Variants in GFRA1 observed in about 807,000 individuals in gnomAD.
GFRA1 encodes the protein GDNF family receptor alpha 1, also known as GDNF family receptor alpha-1.
A neutral mutation model predicts 51.6 loss-of-function variants in GFRA1; 16 were observed. That is an observed-to-expected ratio of 0.31 (90% CI 0.21 to 0.47). The LOEUF is 0.47. Ranked by LOEUF, GFRA1 falls within the 20% of genes least tolerant of loss-of-function variation. The pLI is 1.00. For synonymous variants in GFRA1, 270 were observed against 241.3 expected, an observed-to-expected ratio of 1.12 and a Z score of -1.10; for missense variants, 530 against 594.3, an observed-to-expected ratio of 0.89 and a Z score of 1.13.
chr10:116,135,455 G>C (rs1958283867), intron 5 of GFRA1, among the ~76,000 whole-genome samples: 1 of 152,092 alleles, frequency 6.6e-6, no homozygotes, highest in Admixed American at 6.6e-5. Flanking sequence ...ACCGAATCAA[G>C]TTTGTCTTAC....
intron 5 of GFRA1, among the ~76,000 whole-genome samples, chr10:116,132,949 G>T (rs1013154885): frequency 6.6e-5 from 10 of 152,000 alleles, no homozygotes; most frequent in Non-Finnish European, 1.0e-4. Context: ...CTTCTGAACA[G>T]CTTTACTATA....
chr10:116,268,096 T>C (rs1969817884), intron 4 of GFRA1, among the ~76,000 whole-genome samples: 1 of 152,136 alleles, frequency 6.6e-6, no homozygotes, highest in Non-Finnish European at 1.5e-5. Flanking sequence ...GTAGTTCAAA[T>C]GAGATCCTGT....
At chr10:116,087,142 G>A (rs1168118520) in intron 9 of GFRA1, among the ~76,000 whole-genome samples, 1 of 152,208 alleles carries the variant, frequency 6.6e-6, no homozygotes. Context: ...TGTGTTCCCT[G>A]ATGTTGCCGG....
chr10:116,196,848 T>TA (rs71010069), intron 5 of GFRA1, among the ~76,000 whole-genome samples: 58,092 of 120,476 alleles, frequency 0.48, 14,316 homozygotes, highest in Middle Eastern at 0.58. Context: ...TATATATATA[T>TA]TTTTTTTCCC....
intron 8 of GFRA1, among the ~76,000 whole-genome samples, chr10:116,091,052 C>A (rs1956312647): frequency 6.6e-6 from 1 of 152,208 alleles, no homozygotes; most frequent in Non-Finnish European, 1.5e-5. Flanking sequence ...AAGAGGCACA[C>A]AGGGACCAGT....
rs1288668729 is a variant in GFRA1, at chr10:116,093,733, A to G, written c.984T>C (p.Phe328=). ...SGNDLEECLK[F]LNFFKDNTCL... Reference sequence around the variant, plus strand: ...ATGTATTGTCCTTGAAGAAATTCAAAAATTTCAAGCACTCTTCTAGGTCGT... The same window carrying G: ...ATGTATTGTCCTTGAAGAAATTCAAGAATTTCAAGCACTCTTCTAGGTCGT... Residue 328 remains phenylalanine, a synonymous_variant, in exon 8 of 11, where the codon TTT becomes TTC. Coordinates refer to ENST00000355422, the MANE Select transcript of GFRA1 (RefSeq NM_005264.8). 1 of 1,613,928 alleles carries G rather than the reference A, an allele frequency of 6.2e-7. No individual in the cohort carries two copies. The highest frequency in any genetic ancestry group is 1.1e-5 in the South Asian group (1 of 91,064).
At position 116,100,826 on chromosome 10, in the gene GFRA1, G is replaced by A. The variant is rs528292965; in HGVS notation, c.771-4062C>T. Among the ~76,000 whole-genome samples the A allele has an allele frequency of 9.1e-4, 139 of 152,238 alleles. 1 individual carries two copies. Among genetic ancestry groups the A allele is most frequent in the East Asian group, 1.4e-3 (7 of 5,174 alleles). On this transcript the variant is annotated intron_variant, in intron 6 of 10. Transcript: ENST00000355422. ...GAACCAGAGCAAAGAACCGAGGGCC[G>A]GAAGAGGAGAAAGAAAGGAGGATGC... is the stretch of plus-strand genomic sequence containing the variant.
chr10:116,209,870 C>T (rs187479101), intron 5 of GFRA1, among the ~76,000 whole-genome samples: 18 of 152,096 alleles, frequency 1.2e-4, no homozygotes, highest in Admixed American at 5.9e-4. Context: ...TGTCTCCATA[C>T]GAAATGGTCC....
intron 4 of GFRA1, among the ~76,000 whole-genome samples, chr10:116,212,855 A>G (rs539906166): frequency 2.3e-4 from 35 of 152,340 alleles, no homozygotes; most frequent in African/African-American, 8.2e-4. Flanking sequence ...ATTTTCATAC[A>G]TATCTCTTCA....
intron 4 of GFRA1, among the ~76,000 whole-genome samples, chr10:116,254,424 C>T (rs1968658548): frequency 6.6e-6 from 1 of 151,114 alleles, no homozygotes; most frequent in Non-Finnish European, 1.5e-5. Context: ...ATAATCCCAA[C>T]ACTTTGAGAG....
chr10:116,112,799 C>T (rs1957263388), intron 6 of GFRA1, among the ~76,000 whole-genome samples: 2 of 152,220 alleles, frequency 1.3e-5, no homozygotes, highest in African/African-American at 2.4e-5. Flanking sequence ...AATTACTCAA[C>T]CCATTTCCAC....
intron 5 of GFRA1, among the ~76,000 whole-genome samples, chr10:116,178,957 C>T (rs1159694133): frequency 6.6e-6 from 1 of 152,138 alleles, no homozygotes; most frequent in East Asian, 1.9e-4. Context: ...GAGCCTGGAG[C>T]TCTCCCCAAG....
chr10:116,156,102 C>T (rs1959193351), intron 5 of GFRA1, among the ~76,000 whole-genome samples: 1 of 152,160 alleles, frequency 6.6e-6, no homozygotes, highest in Non-Finnish European at 1.5e-5. Flanking sequence ...TCCAATCAAA[C>T]CAAGCAAAAC....
chr10:116,255,297 A>G (rs1035775964), intron 4 of GFRA1, among the ~76,000 whole-genome samples: 6 of 152,210 alleles, frequency 3.9e-5, no homozygotes. Flanking sequence ...AACTGAGTAG[A>G]AATGAATAAT....
intron 6 of GFRA1, among the ~76,000 whole-genome samples, chr10:116,109,673 C>G (rs974057549): frequency 6.6e-6 from 1 of 152,136 alleles, no homozygotes; most frequent in Non-Finnish European, 1.5e-5. Context: ...GGGAGAAACC[C>G]GCATCCCCAA....
chr10:116,130,623 T>A (rs1958067467), intron 5 of GFRA1, among the ~76,000 whole-genome samples: 1 of 152,108 alleles, frequency 6.6e-6, no homozygotes, highest in Admixed American at 6.5e-5. Flanking sequence ...TCACTTGATT[T>A]TTTTGAAAGC....
intron 10 of GFRA1, among the ~76,000 whole-genome samples, 197 bp from the exon 11 acceptor site, chr10:116,064,741 A>G (rs543534104): frequency 5.5e-4 from 83 of 152,170 alleles, no homozygotes; most frequent in Non-Finnish European, 1.1e-3. Context: ...AGAACCAGAT[A>G]CTTTTGATAA....
intron 9 of GFRA1, among the ~76,000 whole-genome samples, chr10:116,084,632 A>G (rs753557357): frequency 4.6e-5 from 7 of 152,202 alleles, no homozygotes; most frequent in Non-Finnish European, 8.8e-5. Context: ...CTATTTGACC[A>G]CAGAAATCAG....
chr10:116,188,020 TTATAATCTGGTTGC>T (rs1190642498), intron 5 of GFRA1, among the ~76,000 whole-genome samples: 2 of 152,140 alleles, frequency 1.3e-5, no homozygotes, highest in Non-Finnish European at 2.9e-5. Flanking sequence ...CTCTCAGATC[TTATAATCTGGTTGC>T]CCAGTCAGCC....
Sources: gnomAD v4.1 joint callset for allele counts (sites outside exome capture counted in the v4.1 genomes callset) on GRCh38, gnomAD v4.1.1 for gene constraint, MANE v1.5 for transcripts, NCBI Gene and HGNC (gene_info 2026-07-23, HGNC 2026-07-21) for gene names.